The following NRXN3 variants were observed in gnomAD, a reference collection of about 807,000 sequenced individuals.
NRXN3 encodes neurexin III.
NRXN3 carries 32 observed loss-of-function variants against 137.6 expected under a neutral mutation model. That is an observed-to-expected ratio of 0.23 (90% CI 0.18 to 0.31). The LOEUF (loss-of-function observed/expected upper bound fraction) is 0.31. NRXN3 is among the 10% of genes least tolerant of loss of function. The probability of loss-of-function intolerance (pLI) is 1.00; values close to 1 mark genes in which losing one functional copy is unlikely to be tolerated. For missense variants in NRXN3, 1,574 were observed against 2,062.5 expected, an observed-to-expected ratio of 0.76 and a Z score of 4.59; for synonymous variants, 798 against 784.5, an observed-to-expected ratio of 1.02 and a Z score of -0.29.
Position 79,663,794 on chromosome 14 carries a change from G to C in NRXN3, c.3461G>C (p.Gly1154Ala), listed in dbSNP as rs762490456. 3 of 1,612,818 alleles carry C rather than the reference G, an allele frequency of 1.9e-6. No individual in the cohort carries two copies. Among genetic ancestry groups the C allele is most frequent in the South Asian group, 2.2e-5 (2 of 90,986 alleles). Residue 1154 changes from glycine to alanine, a missense_variant, in exon 17 of 21, where the codon GGA (glycine) becomes GCA (alanine). Around this residue, in one of 5 missense-constraint regions of NRXN3, gnomAD observed 133 missense variants for 241.8 expected, o/e 0.55. Transcript: ENST00000335750. ...LQLHIEQGKI[G>A]VVFNIGTVDI... ...TTATTATAGGAACAGGGGAAAATTG[G>C]AGTTGTCTTCAACATTGGCACAGTT... is the stretch of plus-strand genomic sequence containing the variant.
At chr14:78,484,479 T>C (rs538583478) in intron 4 of NRXN3, among the ~76,000 whole-genome samples, 16 of 152,148 alleles carry the variant, frequency 1.1e-4, no homozygotes, top group Non-Finnish European at 1.2e-4. Context: ...CTTTAATGCA[T>C]GTATTACTTT....
At chr14:78,197,562 C>T (rs958223442) in intron 1 of NRXN3, among the ~76,000 whole-genome samples, 10 of 152,198 alleles carry the variant, frequency 6.6e-5, no homozygotes, top group African/African-American at 2.4e-4. Context: ...AACTTCTGAC[C>T]ATGTCTAAAG....
At chr14:79,054,913 G>A (rs1480926153) in intron 15 of NRXN3, among the ~76,000 whole-genome samples, 1 of 152,178 alleles carries the variant, frequency 6.6e-6, no homozygotes, top group Non-Finnish European at 1.5e-5. Flanking sequence ...GTAAACAGAT[G>A]TTAGTTTACC....
At chr14:78,851,628 C>T (rs548493168) in intron 10 of NRXN3, among the ~76,000 whole-genome samples, 29 of 152,286 alleles carry the variant, frequency 1.9e-4, no homozygotes, top group African/African-American at 5.5e-4. Flanking sequence ...TTAGTCGTCT[C>T]CCAGACTCTA....
intron 15 of NRXN3, among the ~76,000 whole-genome samples, chr14:79,016,134 A>T (rs546489868): frequency 3.3e-5 from 5 of 152,208 alleles, no homozygotes; most frequent in Admixed American, 3.3e-4. Context: ...GCTTTCTGTG[A>T]AGTGGCAGGA....
At chr14:78,500,430 A>C (rs536657020) in intron 4 of NRXN3, among the ~76,000 whole-genome samples, 1 of 152,276 alleles carries the variant, frequency 6.6e-6, no homozygotes, top group South Asian at 2.1e-4. Context: ...ATGATCTGGA[A>C]GCAAGTACTT....
intron 15 of NRXN3, among the ~76,000 whole-genome samples, chr14:79,347,675 C>A (rs959401574): frequency 3.9e-5 from 6 of 152,128 alleles, no homozygotes; most frequent in South Asian, 2.1e-4. Flanking sequence ...CATGCCTTGG[C>A]CTCCCAAAGT....
intron 20 of NRXN3, among the ~76,000 whole-genome samples, chr14:79,834,040 T>C (rs969591712): frequency 6.6e-6 from 1 of 150,452 alleles, no homozygotes; most frequent in South Asian, 2.1e-4. Context: ...ACAGCATTTG[T>C]GTTACAGCAC....
chr14:79,193,815 T>G (rs1484099545), intron 15 of NRXN3, among the ~76,000 whole-genome samples: 1 of 152,222 alleles, frequency 6.6e-6, no homozygotes, highest in Non-Finnish European at 1.5e-5. Context: ...GTGTTTTTCT[T>G]GAATGATAGC....
intron 15 of NRXN3, among the ~76,000 whole-genome samples, chr14:79,204,406 T>C (rs1265102559): frequency 6.6e-6 from 1 of 151,828 alleles, no homozygotes; most frequent in Admixed American, 6.6e-5. Context: ...TTATGAAAAA[T>C]TCCAAGGTTT....
intron 15 of NRXN3, among the ~76,000 whole-genome samples, chr14:79,333,751 A>G (rs770997367): frequency 2.6e-5 from 4 of 152,198 alleles, no homozygotes; most frequent in Non-Finnish European, 4.4e-5. Flanking sequence ...GATGGCTCTT[A>G]GCAGTCCTAA....
At chr14:79,141,803 A>G (rs961380486) in intron 15 of NRXN3, among the ~76,000 whole-genome samples, 1 of 152,234 alleles carries the variant, frequency 6.6e-6, no homozygotes, top group African/African-American at 2.4e-5. Flanking sequence ...AACACATTTT[A>G]CCTGAAGTGA....
At chr14:78,765,099 G>T (rs376518366) in intron 8 of NRXN3, among the ~76,000 whole-genome samples, 38 of 152,274 alleles carry the variant, frequency 2.5e-4, no homozygotes, top group African/African-American at 8.9e-4. Flanking sequence ...AGAGAGCACA[G>T]AAAATTTTAC....
intron 1 of NRXN3, among the ~76,000 whole-genome samples, chr14:78,180,517 G>A (rs1177987128): frequency 6.6e-6 from 1 of 152,238 alleles, no homozygotes; most frequent in Non-Finnish European, 1.5e-5. Flanking sequence ...GGTGAGGAAA[G>A]TGGAGCTTGG....
intron 16 of NRXN3, among the ~76,000 whole-genome samples, chr14:79,571,209 G>A (rs1261826331): frequency 6.6e-6 from 1 of 152,142 alleles, no homozygotes; most frequent in Non-Finnish European, 1.5e-5. Context: ...ATGGCTTAGT[G>A]ACTATGAGAA....
intron 4 of NRXN3, among the ~76,000 whole-genome samples, chr14:78,600,190 A>G (rs1454078452): frequency 1.3e-5 from 2 of 152,112 alleles, no homozygotes; most frequent in African/African-American, 4.8e-5. Context: ...TACCTGACAC[A>G]CCTACTCTTG....
intron 8 of NRXN3, among the ~76,000 whole-genome samples, chr14:78,776,498 G>T (rs1040585204): frequency 6.6e-6 from 1 of 152,150 alleles, no homozygotes; most frequent in Non-Finnish European, 1.5e-5. Flanking sequence ...GAAATTTATA[G>T]GTCAGTGTGG....
chr14:78,646,946 C>T (rs149609867), intron 5 of NRXN3, among the ~76,000 whole-genome samples: 13 of 152,292 alleles, frequency 8.5e-5, no homozygotes, highest in Admixed American at 2.0e-4. Context: ...AAGTGAAATA[C>T]AACCTTTTGC....
chr14:78,807,629 A>G (rs8020715), intron 9 of NRXN3, among the ~76,000 whole-genome samples: 148,260 of 151,580 alleles, frequency 0.98, 72,599 homozygotes, highest in East Asian at 1. Flanking sequence ...CAGCTACTCG[A>G]GAGGCTGAGG....
Sources: allele counts gnomAD v4.1 joint callset (sites outside exome capture counted in the v4.1 genomes callset), GRCh38; gene constraint gnomAD v4.1.1; regional missense constraint gnomAD v4.1.1; transcripts MANE v1.5; gene names NCBI Gene and HGNC (gene_info 2026-07-23, HGNC 2026-07-21).